Variants in SECISBP2L observed in about 807,000 individuals in gnomAD.
SECISBP2L encodes SECIS binding protein 2 like.
A neutral mutation model predicts 114.7 loss-of-function variants in SECISBP2L; 43 were observed. That is an observed-to-expected ratio of 0.38 (90% confidence interval 0.29 to 0.48). The LOEUF (loss-of-function observed/expected upper bound fraction) is 0.48. SECISBP2L is among the 20% of genes least tolerant of loss of function. The pLI, the probability that SECISBP2L is intolerant of heterozygous loss-of-function variation, is 0.98. For missense variants in SECISBP2L, 1,136 were observed against 1,301.1 expected (o/e 0.87, Z 1.95); for synonymous variants, 451 against 439.7 (o/e 1.03, Z -0.32).
intron 11 of SECISBP2L, 171 bp from the exon 12 acceptor site, chr15:49,012,988 T>C: frequency 1.6e-6 from 1 of 622,480 alleles, no homozygotes; most frequent in Non-Finnish European, 2.7e-6. Flanking sequence ...AGCTTTTACC[T>C]ATCCTTTAGA....
At chr15:49,012,412 CT>C (rs1307964226) in intron 12 of SECISBP2L, among the ~76,000 whole-genome samples, 3 of 151,968 alleles carry the variant, frequency 2.0e-5, no homozygotes, top group Admixed American at 6.6e-5. Context: ...ACATATTTAT[CT>C]TTTTTTTAAC....
At chr15:49,046,203 G>A in intron 1 of SECISBP2L, 73 bp downstream of exon 1, 4 of 1,526,942 alleles carry the variant, frequency 2.6e-6, no homozygotes, top group Non-Finnish European at 3.5e-6. Context: ...CACGTTCGGA[G>A]AACTGGGCCT....
intron 4 of SECISBP2L, 124 bp from the exon 5 acceptor site, chr15:49,028,806 A>T: frequency 1.2e-6 from 1 of 805,622 alleles, no homozygotes; most frequent in Admixed American, 2.8e-5. Context: ...ATAGGTGACA[A>T]CTTTTTGAAA....
chr15:49,029,065 G>C (rs1283345804), intron 4 of SECISBP2L, among the ~76,000 whole-genome samples: 1 of 152,150 alleles, frequency 6.6e-6, no homozygotes, highest in Non-Finnish European at 1.5e-5. Flanking sequence ...TGTTGCCCAG[G>C]CTGGTCTCAA....
At chr15:49,008,367 T>G (rs1294721365) in intron 14 of SECISBP2L, among the ~76,000 whole-genome samples, 1 of 152,222 alleles carries the variant, frequency 6.6e-6, no homozygotes, top group East Asian at 1.9e-4. Context: ...TGTGCCAAAT[T>G]GAAGAATGCA....
intron 1 of SECISBP2L, among the ~76,000 whole-genome samples, chr15:49,041,692 A>G (rs935629682): frequency 6.6e-6 from 1 of 152,166 alleles, no homozygotes; most frequent in Non-Finnish European, 1.5e-5. Flanking sequence ...ACATAACGAG[A>G]CACTCTCCCA....
chr15:48,994,145 T>A (rs1340918732), intron 17 of SECISBP2L, among the ~76,000 whole-genome samples: 1 of 152,060 alleles, frequency 6.6e-6, no homozygotes, highest in East Asian at 1.9e-4. Flanking sequence ...TATATTCTCA[T>A]TCTCAGCTAA....
At chr15:49,020,983 T>C (rs1188796600) in intron 7 of SECISBP2L, among the ~76,000 whole-genome samples, 2 of 152,160 alleles carry the variant, frequency 1.3e-5, no homozygotes, top group Non-Finnish European at 2.9e-5. Context: ...GACTAAAATG[T>C]TTCCATCTCC....
chr15:49,031,061 C>CTTTTTTTTTTTT (rs1566861328), intron 4 of SECISBP2L, among the ~76,000 whole-genome samples: 3 of 77,040 alleles, frequency 3.9e-5, no homozygotes, highest in African/African-American at 1.1e-4. Flanking sequence ...TTTTTTTTTT[C>CTTTTTTTTTTTT]CCTTTTGAGA....
At chr15:49,002,344 A>G (rs933734919) in intron 14 of SECISBP2L, among the ~76,000 whole-genome samples, 1 of 152,080 alleles carries the variant, frequency 6.6e-6, no homozygotes, top group African/African-American at 2.4e-5. Flanking sequence ...TAGATTCTGG[A>G]TATTACCCCT....
Position 48,989,576 on chromosome 15 carries a change from T to G in SECISBP2L, c.*2668A>C, listed in dbSNP as rs1315419809. 2 of 152,612 alleles carry G rather than the reference T, an allele frequency of 1.3e-5. No individual in the cohort carries two copies. The highest frequency in any genetic ancestry group is 4.8e-5 in the African/African-American group (2 of 41,474). 9.5% of individuals were successfully genotyped at this position (152,612 alleles called of 1,614,324 possible). On this transcript the variant is annotated 3_prime_UTR_variant, in exon 18 of 18. Transcript: ENST00000559471. ...AACATCTGTCTTTTGAGAAGTAATC[T>G]TCACAGCAAACAAACCTACTGAAGC...
At chr15:49,021,840 G>A (rs1281760535) in intron 7 of SECISBP2L, among the ~76,000 whole-genome samples, 1 of 152,102 alleles carries the variant, frequency 6.6e-6, no homozygotes, top group Non-Finnish European at 1.5e-5. Context: ...ACTCATGAAT[G>A]AATCAATAAC....
intron 13 of SECISBP2L, among the ~76,000 whole-genome samples, chr15:49,010,915 A>C (rs984720830): frequency 7.7e-4 from 117 of 152,208 alleles, no homozygotes; most frequent in Non-Finnish European, 2.9e-5. Context: ...CTGCCGCTCT[A>C]GTTACTAAAA....
At chr15:49,006,491 T>C (rs1251574860) in intron 14 of SECISBP2L, among the ~76,000 whole-genome samples, 4 of 152,178 alleles carry the variant, frequency 2.6e-5, no homozygotes, top group African/African-American at 4.8e-5. Context: ...ATTTATTTCA[T>C]TAATTTGATC....
chr15:49,017,367 T>C (rs917163814), intron 9 of SECISBP2L, among the ~76,000 whole-genome samples, 181 bp downstream of exon 9: 4 of 152,208 alleles, frequency 2.6e-5, no homozygotes, highest in Non-Finnish European at 5.9e-5. Context: ...GTGGATTTCA[T>C]AGGGTATTAT....
At chr15:49,023,721 A>C (rs75353027) in intron 7 of SECISBP2L, among the ~76,000 whole-genome samples, 357 of 152,372 alleles carry the variant, frequency 2.3e-3, no homozygotes, top group African/African-American at 8.0e-3. Context: ...TTTATGTAGT[A>C]ATATGGAAAT....
intron 13 of SECISBP2L, 105 bp from the exon 14 acceptor site, chr15:49,009,483 T>C: frequency 2.7e-6 from 3 of 1,114,482 alleles, no homozygotes; most frequent in Non-Finnish European, 3.8e-6. Context: ...TTGGGTCATT[T>C]CCAAATTTTC....
chr15:49,001,255 G>A (rs1427435972), intron 14 of SECISBP2L, among the ~76,000 whole-genome samples, 158 bp from the exon 15 acceptor site: 2 of 152,106 alleles, frequency 1.3e-5, no homozygotes, highest in Non-Finnish European at 2.9e-5. Flanking sequence ...AAATCCTTCA[G>A]TCATTTACAA....
At chr15:49,025,119 C>G (rs1293942344) in intron 7 of SECISBP2L, among the ~76,000 whole-genome samples, 1 of 152,172 alleles carries the variant, frequency 6.6e-6, no homozygotes, top group African/African-American at 2.4e-5. Flanking sequence ...TTTATCTAAT[C>G]TACATAAATG....
Sources: gnomAD v4.1 joint callset for allele counts (sites outside exome capture counted in the v4.1 genomes callset) on GRCh38, gnomAD v4.1.1 for gene constraint, MANE v1.5 for transcripts, NCBI Gene and HGNC (gene_info 2026-07-23, HGNC 2026-07-21) for gene names.